COX7B2: variants seen among roughly 807,000 people sequenced by gnomAD.
COX7B2 encodes the protein cytochrome c oxidase subunit 7B2, mitochondrial.
For missense variants in COX7B2, 109 were observed against 95.9 expected, an observed-to-expected ratio of 1.14 and a Z score of -0.57; for synonymous variants, 37 against 32.1, an observed-to-expected ratio of 1.15 and a Z score of -0.51.
At chr4:46,817,617 C>A (rs995246314) in intron 2 of COX7B2, among the ~76,000 whole-genome samples, 2 of 152,168 alleles carry the variant, frequency 1.3e-5, no homozygotes, top group African/African-American at 4.8e-5. Flanking sequence ...AATCCTAGGT[C>A]ACAAAGTAAA....
At chr4:46,853,286 T>G (rs1037614808) in intron 1 of COX7B2, among the ~76,000 whole-genome samples, 1 of 152,192 alleles carries the variant, frequency 6.6e-6, no homozygotes, top group African/African-American at 2.4e-5. Flanking sequence ...AGAACTTATA[T>G]GGATACCTCT....
intron 2 of COX7B2, among the ~76,000 whole-genome samples, chr4:46,791,758 A>G (rs1444340003): frequency 6.6e-6 from 1 of 152,214 alleles, no homozygotes; most frequent in African/African-American, 2.4e-5. Flanking sequence ...CATGCAGCAT[A>G]TAGCAGCACT....
chr4:46,814,232 G>A (rs1435801172), intron 2 of COX7B2, among the ~76,000 whole-genome samples: 2 of 152,152 alleles, frequency 1.3e-5, no homozygotes, highest in Non-Finnish European at 2.9e-5. Flanking sequence ...GCCTAATCTT[G>A]GTTTGTCATT....
intron 2 of COX7B2, among the ~76,000 whole-genome samples, chr4:46,826,998 A>G (rs1714741536): frequency 6.6e-6 from 1 of 152,170 alleles, no homozygotes; most frequent in Non-Finnish European, 1.5e-5. Flanking sequence ...TTAAAATGGA[A>G]AAAGAAAATA....
At chr4:46,814,578 A>G (rs1026271389) in intron 2 of COX7B2, among the ~76,000 whole-genome samples, 5 of 152,218 alleles carry the variant, frequency 3.3e-5, no homozygotes, top group African/African-American at 9.6e-5. Flanking sequence ...CCAGCTTAGA[A>G]AAGTTTCCTT....
At chr4:46,764,306 A>T (rs1320558484) in intron 2 of COX7B2, among the ~76,000 whole-genome samples, 1 of 148,198 alleles carries the variant, frequency 6.7e-6, no homozygotes, top group Non-Finnish European at 1.5e-5. Context: ...GCACTTTGGG[A>T]GGCTGAGGCG....
At chr4:46,769,029 A>T (rs62305172) in intron 2 of COX7B2, among the ~76,000 whole-genome samples, 1 of 151,886 alleles carries the variant, frequency 6.6e-6, no homozygotes, top group South Asian at 2.1e-4. Flanking sequence ...ATCTGAATGG[A>T]CCCTCCCAAT....
intron 1 of COX7B2, among the ~76,000 whole-genome samples, chr4:46,890,401 T>G (rs1415472441): frequency 6.6e-6 from 1 of 152,208 alleles, no homozygotes; most frequent in Non-Finnish European, 1.5e-5. Context: ...GATGCTTTAT[T>G]AATTCATTAC....
intron 1 of COX7B2, among the ~76,000 whole-genome samples, chr4:46,883,989 G>A (rs1045431337): frequency 6.6e-6 from 1 of 151,986 alleles, no homozygotes; most frequent in East Asian, 1.9e-4. Flanking sequence ...AAAATCAGAA[G>A]AGCTGAATTT....
chr4:46,746,253 A>G (rs927462850), intron 2 of COX7B2, among the ~76,000 whole-genome samples: 2 of 152,220 alleles, frequency 1.3e-5, no homozygotes, highest in Admixed American at 1.3e-4. Flanking sequence ...TTAGAGTGTG[A>G]ATGGCAAATA....
intron 2 of COX7B2, among the ~76,000 whole-genome samples, chr4:46,740,708 A>C (rs765509342): frequency 1.1e-4 from 16 of 152,130 alleles, no homozygotes; most frequent in Non-Finnish European, 1.9e-4. Flanking sequence ...AAAAGAAAAT[A>C]ATGATCTAAA....
intron 2 of COX7B2, among the ~76,000 whole-genome samples, chr4:46,802,739 T>C (rs73141208): frequency 0.04 from 6,150 of 152,190 alleles, 326 homozygotes; most frequent in African/African-American, 0.13. Context: ...TCTCATGCAT[T>C]GGTTATTTTG....
chr4:46,754,728 G>GTATATATATATATATATATATA (rs56248005), intron 2 of COX7B2, among the ~76,000 whole-genome samples: 666 of 39,754 alleles, frequency 0.017, 65 homozygotes, highest in African/African-American at 0.038. Flanking sequence ...GTGTGTGTGT[G>GTATATATATATATATATATATA]TATATATATA....
intron 2 of COX7B2, among the ~76,000 whole-genome samples, chr4:46,767,316 A>G (rs1445230153): frequency 2.0e-5 from 3 of 152,246 alleles, no homozygotes; most frequent in African/African-American, 4.8e-5. Flanking sequence ...AGAATTAACA[A>G]TTGTAAATAT....
intron 2 of COX7B2, among the ~76,000 whole-genome samples, chr4:46,793,412 C>T (rs1208192167): frequency 2.0e-5 from 3 of 151,962 alleles, no homozygotes; most frequent in African/African-American, 4.8e-5. Flanking sequence ...AGGCTGATGC[C>T]CTTTGGATTT....
At chr4:46,757,693 C>G (rs1715884822) in intron 2 of COX7B2, among the ~76,000 whole-genome samples, 1 of 152,092 alleles carries the variant, frequency 6.6e-6, no homozygotes, top group South Asian at 2.1e-4. Context: ...AACTCCTATT[C>G]TTACGGAGTT....
chr4:46,754,006 C>G (rs1027032178), intron 2 of COX7B2, among the ~76,000 whole-genome samples: 2 of 152,128 alleles, frequency 1.3e-5, no homozygotes, highest in African/African-American at 4.8e-5. Flanking sequence ...ATCAAAACCA[C>G]AATCAGACAC....
At chr4:46,885,804 T>C (rs1325148882) in intron 1 of COX7B2, among the ~76,000 whole-genome samples, 2 of 152,122 alleles carry the variant, frequency 1.3e-5, no homozygotes, top group Non-Finnish European at 2.9e-5. Flanking sequence ...AAGAAGGCAA[T>C]GAATTTTTAG....
intron 2 of COX7B2, among the ~76,000 whole-genome samples, chr4:46,765,636 C>T (rs901782586): frequency 1.3e-5 from 2 of 152,050 alleles, no homozygotes; most frequent in Non-Finnish European, 2.9e-5. Flanking sequence ...TGGTCTCAGG[C>T]TCCAGGCTAG....
Sources: gnomAD v4.1 joint callset for allele counts (sites outside exome capture counted in the v4.1 genomes callset) on GRCh38, gnomAD v4.1.1 for gene constraint, MANE v1.5 for transcripts, NCBI Gene and HGNC (gene_info 2026-07-23, HGNC 2026-07-21) for gene names.